Variants in PAPSS2 observed in about 807,000 individuals in gnomAD.
PAPSS2 encodes the protein 3'-phosphoadenosine 5'-phosphosulfate synthase 2, also known as bifunctional 3'-phosphoadenosine 5'-phosphosulfate synthase 2.
A neutral mutation model predicts 66.5 loss-of-function variants in PAPSS2; 61 were observed. That is an observed-to-expected ratio of 0.92 (90% CI 0.75 to 1.14). The LOEUF is 1.14. Among genes scored for constraint, PAPSS2 ranks in the 50% most tolerant of loss-of-function variants. The pLI, the probability that PAPSS2 is intolerant of heterozygous loss-of-function variation, is 0.00. For missense variants in PAPSS2, 708 were observed against 789.6 expected (o/e 0.90, Z 1.24); for synonymous variants, 289 against 287.5 (o/e 1.01, Z -0.05).
At chr10:87,667,228 C>T (rs1241518730) in intron 1 of PAPSS2, among the ~76,000 whole-genome samples, 7 of 151,764 alleles carry the variant, frequency 4.6e-5, no homozygotes, top group African/African-American at 1.2e-4. Flanking sequence ...CTGAGGTGGG[C>T]GGATCACTTG....
At chr10:87,744,114 A>G (rs914574600) in intron 11 of PAPSS2, among the ~76,000 whole-genome samples, 1 of 151,746 alleles carries the variant, frequency 6.6e-6, no homozygotes, top group Non-Finnish European at 1.5e-5. Context: ...AAAAAAAAAG[A>G]AAGATGCTAG....
intron 1 of PAPSS2, among the ~76,000 whole-genome samples, chr10:87,684,455 A>G (rs1389468169): frequency 6.6e-6 from 1 of 152,230 alleles, no homozygotes; most frequent in Non-Finnish European, 1.5e-5. Flanking sequence ...GCTGATGACA[A>G]GTTCAGTTCA....
At chr10:87,710,108 C>G (rs1273974431) in intron 2 of PAPSS2, among the ~76,000 whole-genome samples, 1 of 152,184 alleles carries the variant, frequency 6.6e-6, no homozygotes. Flanking sequence ...ATGAGCCCAC[C>G]TGCAAAACTA....
chr10:87,691,045 A>T (rs941537806), intron 1 of PAPSS2, among the ~76,000 whole-genome samples: 6 of 152,134 alleles, frequency 3.9e-5, no homozygotes, highest in African/African-American at 1.4e-4. Flanking sequence ...CTACACAGTG[A>T]ATTTTATTAA....
chr10:87,693,469 C>T (rs913547220), intron 1 of PAPSS2, among the ~76,000 whole-genome samples: 24 of 152,130 alleles, frequency 1.6e-4, no homozygotes, highest in African/African-American at 5.8e-4. Flanking sequence ...CATTTCCAAC[C>T]GAAGGACTCT....
chr10:87,721,518 T>C (rs1162385610), intron 7 of PAPSS2, among the ~76,000 whole-genome samples: 1 of 152,196 alleles, frequency 6.6e-6, no homozygotes, highest in Non-Finnish European at 1.5e-5. Flanking sequence ...GAAAACCAGA[T>C]AAACATCTGA....
intron 1 of PAPSS2, among the ~76,000 whole-genome samples, chr10:87,685,707 A>G (rs1216394652): frequency 2.6e-5 from 4 of 152,128 alleles, no homozygotes; most frequent in Non-Finnish European, 5.9e-5. Flanking sequence ...TTTTTTCACA[A>G]TGCATGTTTC....
At position 87,706,108 on chromosome 10, in the gene PAPSS2, A is replaced by ATATGTGTGTGTG; in HGVS notation, c.28-3087_28-3086insATGTGTGTGTGT. Among the ~76,000 whole-genome samples the ATATGTGTGTGTG allele has an allele frequency of 3.1e-3, 161 of 51,920 alleles. 1 individual carries two copies. The highest frequency in any genetic ancestry group is 0.015 in the African/African-American group (151 of 9,922). 34.1% of individuals were successfully genotyped at this position (51,920 alleles called of 152,430 possible). ...GGTATATATATATATATATATATAT[A>ATATGTGTGTGTG]TGTGTGTGTGTGTGTGTGTGTGTGT... On this transcript the variant is annotated intron_variant, in intron 1 of 12. Transcript: ENST00000456849.
intron 1 of PAPSS2, among the ~76,000 whole-genome samples, chr10:87,695,027 G>A (rs1311676211): frequency 6.6e-6 from 1 of 152,256 alleles, no homozygotes; most frequent in Non-Finnish European, 1.5e-5. Flanking sequence ...GAGAGGCAAA[G>A]GCCAGGGCTG....
At chr10:87,705,400 G>A (rs75688579) in intron 1 of PAPSS2, among the ~76,000 whole-genome samples, 7,322 of 152,246 alleles carry the variant, frequency 0.048, 223 homozygotes, top group South Asian at 0.12. Flanking sequence ...GAACATTCTA[G>A]TGCAAGTCTT....
chr10:87,660,382 T>C, intron 1 of PAPSS2: 1 of 365,822 alleles, frequency 2.7e-6, no homozygotes, highest in Non-Finnish European at 5.0e-6. Context: ...TCGGAGCAGA[T>C]CGAGCTGACT....
intron 1 of PAPSS2, among the ~76,000 whole-genome samples, chr10:87,690,249 G>A (rs1853156020): frequency 6.6e-6 from 1 of 152,144 alleles, no homozygotes. Flanking sequence ...CATTATGCAA[G>A]GGTAAAATGA....
chr10:87,686,212 TC>T (rs933567115), intron 1 of PAPSS2, among the ~76,000 whole-genome samples: 3 of 151,854 alleles, frequency 2.0e-5, no homozygotes, highest in African/African-American at 7.3e-5. Context: ...CAATTTTTTT[TC>T]CTAGAAGCAT....
chr10:87,729,726 G>A (rs1021570035), intron 9 of PAPSS2, among the ~76,000 whole-genome samples: 3 of 152,206 alleles, frequency 2.0e-5, no homozygotes, highest in African/African-American at 7.2e-5. Context: ...CCCAGGTGCA[G>A]TGGCTCACAC....
chr10:87,714,321 A>C, intron 4 of PAPSS2, 139 bp downstream of exon 4: 2 of 875,832 alleles, frequency 2.3e-6, no homozygotes, highest in Non-Finnish European at 1.9e-6. Flanking sequence ...TTATCAGATC[A>C]TGATATATTC....
At chr10:87,663,686 C>T (rs1056080291) in intron 1 of PAPSS2, among the ~76,000 whole-genome samples, 1 of 152,190 alleles carries the variant, frequency 6.6e-6, no homozygotes, top group Non-Finnish European at 1.5e-5. Flanking sequence ...TGTAACTGCT[C>T]TGGCCCAAAG....
rs202243327 is a variant in PAPSS2, at chr10:87,747,530, AC to A, written c.*1562del. On this transcript the variant is annotated 3_prime_UTR_variant, in exon 13 of 13. Transcript: ENST00000456849. ...CTCACTACTGCCTTTAAAAAAAAAA[AC>A]CAGCATATTTATTGAAAACATGAGA... The A allele has an allele frequency of 1.9e-4, 29 of 152,224 alleles. No homozygotes were observed. Among genetic ancestry groups the A allele is most frequent in the Admixed American group, 3.3e-4 (5 of 15,242 alleles). The allele number at this position is 152,224 out of a possible 1,614,324, so 9.4% of individuals were successfully genotyped here.
chr10:87,693,500 A>G (rs1246932778), intron 1 of PAPSS2, among the ~76,000 whole-genome samples: 1 of 152,206 alleles, frequency 6.6e-6, no homozygotes, highest in Non-Finnish European at 1.5e-5. Context: ...AATAACACAT[A>G]TTTTAATTAG....
At chr10:87,665,491 G>A (rs971226410) in intron 1 of PAPSS2, among the ~76,000 whole-genome samples, 3 of 152,148 alleles carry the variant, frequency 2.0e-5, no homozygotes, top group Non-Finnish European at 4.4e-5. Flanking sequence ...GATTACAGGC[G>A]TGAGCCACCG....
Sources: allele counts gnomAD v4.1 joint callset (sites outside exome capture counted in the v4.1 genomes callset), GRCh38; gene constraint gnomAD v4.1.1; transcripts MANE v1.5; gene names NCBI Gene and HGNC (gene_info 2026-07-23, HGNC 2026-07-21).